NT5C2: variants seen among roughly 807,000 people sequenced by gnomAD.
NT5C2 encodes cytosolic purine 5'-nucleotidase.
In NT5C2, 58 loss-of-function variants were observed where a neutral mutation model predicts 76.1. That is an observed-to-expected ratio of 0.76 (90% CI 0.62 to 0.95). The LOEUF is 0.95. Among genes scored for constraint, NT5C2 ranks in the 40% least tolerant of loss-of-function variants. NT5C2 has a pLI of 0.00. For synonymous variants in NT5C2, 229 were observed against 237.4 expected (o/e 0.96, Z 0.32); for missense variants, 478 against 690.3 (o/e 0.69, Z 3.45).
chr10:103,138,804 C>T (rs1362045506), intron 4 of NT5C2, among the ~76,000 whole-genome samples: 1 of 152,130 alleles, frequency 6.6e-6, no homozygotes. Flanking sequence ...GTCAGGAGTT[C>T]GAGATCAGCC....
At chr10:103,118,911 T>C (rs922829013) in intron 4 of NT5C2, among the ~76,000 whole-genome samples, 9 of 152,074 alleles carry the variant, frequency 5.9e-5, no homozygotes, top group Non-Finnish European at 8.8e-5. Flanking sequence ...TCTACCCTAT[T>C]TGTGGGGGAG....
intron 11 of NT5C2, among the ~76,000 whole-genome samples, chr10:103,096,392 G>T (rs1359375045): frequency 2.0e-5 from 3 of 152,256 alleles, no homozygotes; most frequent in African/African-American, 7.2e-5. Flanking sequence ...AAATCACCAG[G>T]TGTCTAAATC....
chr10:103,164,785 C>T (rs757291936), intron 3 of NT5C2, among the ~76,000 whole-genome samples: 2 of 152,146 alleles, frequency 1.3e-5, no homozygotes, highest in Non-Finnish European at 2.9e-5. Context: ...AATGATACTT[C>T]CTCAACATAA....
At chr10:103,133,389 G>A (rs968297410) in intron 4 of NT5C2, among the ~76,000 whole-genome samples, 2 of 152,124 alleles carry the variant, frequency 1.3e-5, no homozygotes, top group Non-Finnish European at 2.9e-5. Context: ...TACCTCCCAA[G>A]TAGCTGGGAT....
chr10:103,133,702 C>A (rs535097186), intron 4 of NT5C2, among the ~76,000 whole-genome samples: 1 of 152,148 alleles, frequency 6.6e-6, no homozygotes, highest in Admixed American at 6.5e-5. Context: ...AACTTTGGAA[C>A]TGGGTAACAG....
intron 4 of NT5C2, among the ~76,000 whole-genome samples, chr10:103,112,190 T>C (rs2073193297): frequency 6.6e-6 from 1 of 152,206 alleles, no homozygotes; most frequent in Admixed American, 6.5e-5. Context: ...TGGCAAATGG[T>C]GTTTAAAATT....
chr10:103,143,984 C>T (rs1459815069), intron 3 of NT5C2, among the ~76,000 whole-genome samples: 1 of 152,056 alleles, frequency 6.6e-6, no homozygotes, highest in African/African-American at 2.4e-5. Context: ...ACCCTCCAAC[C>T]TCCAGCCCCC....
intron 3 of NT5C2, among the ~76,000 whole-genome samples, chr10:103,171,815 T>C (rs1256145125): frequency 6.6e-6 from 1 of 152,092 alleles, no homozygotes; most frequent in Non-Finnish European, 1.5e-5. Flanking sequence ...TCCCAGCACT[T>C]TGGGAGACCA....
intron 2 of NT5C2, among the ~76,000 whole-genome samples, chr10:103,180,655 C>G (rs1444787769): frequency 2.6e-5 from 4 of 152,020 alleles, no homozygotes; most frequent in Non-Finnish European, 4.4e-5. Flanking sequence ...GAGGTTGAGG[C>G]TACAGTGAGC....
At chr10:103,115,259 G>A (rs750487257) in intron 4 of NT5C2, among the ~76,000 whole-genome samples, 12 of 152,020 alleles carry the variant, frequency 7.9e-5, no homozygotes, top group African/African-American at 1.7e-4. Context: ...AAAATTAGCC[G>A]GGCATGGCAG....
chr10:103,159,193 C>T (rs139101861), intron 3 of NT5C2, among the ~76,000 whole-genome samples: 658 of 150,600 alleles, frequency 4.4e-3, no homozygotes, highest in Middle Eastern at 0.01. Context: ...TGATCAGGCC[C>T]GTGAATAGCC....
In NT5C2 at chr10:103,089,810, G is replaced by A; in HGVS notation, c.1548C>T (p.Asp516=). The A allele has an allele frequency of 1.2e-6, 2 of 1,614,120 alleles. No individual in the cohort carries two copies. Among genetic ancestry groups the A allele is most frequent in the Non-Finnish European group, 1.7e-6 (2 of 1,180,014 alleles). The change falls in exon 19 of 19, where the codon GAC becomes GAT. Residue 516 remains aspartate, a synonymous_variant. Coordinates refer to ENST00000404739, the MANE Select transcript of NT5C2 (RefSeq NM_001351169.2). ...TRNRTSVDFK[D]TDYKRHQLTR... is the part of the protein sequence containing the mutation. ...TCAGCTGGTGCCGCTTGTAGTCAGT[G>A]TCTTTGAAATCCACTGATGTGCGGT... is the stretch of plus-strand genomic sequence containing the variant.
At chr10:103,183,291 A>ATATATATATATATATATATATC (rs1554841794) in intron 1 of NT5C2, among the ~76,000 whole-genome samples, 6 of 128,146 alleles carry the variant, frequency 4.7e-5, no homozygotes, top group Admixed American at 4.3e-4. Flanking sequence ...ATATATATAT[A>ATATATATATATATATATATATC]TATCACACAC....
At position 103,089,153 on chromosome 10, in the gene NT5C2, A is replaced by C. The variant is rs2066084970; in HGVS notation, c.*519T>G. ...AGCCTTGCCAGAGTCACTGAGGATGAATTAAAGGCTTATAAAAGAAAACTT... is the reference window on the plus strand; with the variant it reads ...AGCCTTGCCAGAGTCACTGAGGATGCATTAAAGGCTTATAAAAGAAAACTT... On this transcript the variant is annotated 3_prime_UTR_variant, in exon 19 of 19. Transcript: ENST00000404739. 4.4e-6 allele frequency: 1 copy of C among 226,888 alleles called. No homozygotes were observed. The highest frequency in any genetic ancestry group is 8.8e-6 in the Non-Finnish European group (1 of 114,196). 14.1% of individuals were successfully genotyped at this position (226,888 alleles called of 1,614,324 possible).
At chr10:103,192,825 G>A (rs532994320) in intron 1 of NT5C2, among the ~76,000 whole-genome samples, 2 of 152,304 alleles carry the variant, frequency 1.3e-5, no homozygotes, top group South Asian at 2.1e-4. Context: ...GCTGGAGGAC[G>A]TCAGCAGGAC....
intron 4 of NT5C2, among the ~76,000 whole-genome samples, chr10:103,117,862 C>T (rs1028738747): frequency 2.0e-5 from 3 of 151,342 alleles, no homozygotes; most frequent in Non-Finnish European, 2.9e-5. Context: ...GAGGGTTATT[C>T]GGAGCAACTA....
chr10:103,108,848 TTTTTTCTTTTTC>T (rs375927154), intron 4 of NT5C2, among the ~76,000 whole-genome samples: 5 of 152,072 alleles, frequency 3.3e-5, no homozygotes, highest in South Asian at 2.1e-4. Context: ...GCTAACTTTT[TTTTTTCTTTTTC>T]TTTTTCTTTT....
chr10:103,186,978 C>CG (rs1354319068), intron 1 of NT5C2, among the ~76,000 whole-genome samples: 1 of 151,138 alleles, frequency 6.6e-6, no homozygotes, highest in Non-Finnish European at 1.5e-5. Flanking sequence ...AGGCCAGGGG[C>CG]GGTGGTTCAC....
At chr10:103,126,792 G>A (rs2076747289) in intron 4 of NT5C2, among the ~76,000 whole-genome samples, 1 of 152,242 alleles carries the variant, frequency 6.6e-6, no homozygotes, top group East Asian at 1.9e-4. Context: ...AACTGCACAG[G>A]TCCACTTATA....
Sources: allele counts gnomAD v4.1 joint callset (sites outside exome capture counted in the v4.1 genomes callset), GRCh38; gene constraint gnomAD v4.1.1; transcripts MANE v1.5; gene names NCBI Gene and HGNC (gene_info 2026-07-23, HGNC 2026-07-21).